Variants in NGF observed in about 807,000 individuals in gnomAD.
NGF encodes beta-nerve growth factor.
In NGF, 4 loss-of-function variants were observed where a neutral mutation model predicts 12.8. That is an observed-to-expected ratio of 0.31 (90% CI 0.15 to 0.72). NGF has a LOEUF of 0.72. Ranked by LOEUF, NGF falls within the 30% of genes least tolerant of loss-of-function variation. NGF has a pLI of 0.69. For synonymous variants in NGF, 140 were observed against 130.0 expected, an observed-to-expected ratio of 1.08 and a Z score of -0.52; for missense variants, 283 against 330.8, an observed-to-expected ratio of 0.86 and a Z score of 1.12.
intron 1 of NGF, among the ~76,000 whole-genome samples, chr1:115,313,235 T>C (rs1386446958): frequency 6.6e-6 from 1 of 152,252 alleles, no homozygotes; most frequent in East Asian, 1.9e-4. Flanking sequence ...TAGAGAGTAC[T>C]ACTTTGGTCT....
intron 1 of NGF, among the ~76,000 whole-genome samples, chr1:115,337,256 GT>G (rs1364127314): frequency 2.9e-4 from 8 of 27,204 alleles, no homozygotes; most frequent in African/African-American, 1.3e-3. Flanking sequence ...AATTTTTTTT[GT>G]TTTGTTTTTG....
intron 2 of NGF, among the ~76,000 whole-genome samples, chr1:115,287,380 G>A (rs574661816): frequency 6.8e-4 from 103 of 152,154 alleles, no homozygotes; most frequent in Non-Finnish European, 1.3e-3. Context: ...CCCTTGTTAT[G>A]AATTCACAAA....
intron 1 of NGF, among the ~76,000 whole-genome samples, chr1:115,304,329 ATTT>A (rs58345237): frequency 1.2e-5 from 1 of 80,826 alleles, no homozygotes; most frequent in Middle Eastern, 6.8e-3. Flanking sequence ...TGCTTGGCTA[ATTT>A]TTTTTTTTTT....
intron 1 of NGF, among the ~76,000 whole-genome samples, chr1:115,320,266 G>GT (rs1468550948): frequency 2.6e-5 from 4 of 152,044 alleles, no homozygotes; most frequent in East Asian, 1.9e-4. Context: ...TATACACTAT[G>GT]TTTTTTTCCC....
intron 2 of NGF, among the ~76,000 whole-genome samples, chr1:115,288,771 G>A (rs553147387): frequency 1.3e-5 from 2 of 152,256 alleles, no homozygotes; most frequent in South Asian, 2.1e-4. Flanking sequence ...CATGTAGTAG[G>A]TACTCAAAAA....
intron 2 of NGF, among the ~76,000 whole-genome samples, chr1:115,290,912 T>A (rs1277935821): frequency 6.6e-6 from 1 of 152,228 alleles, no homozygotes; most frequent in Non-Finnish European, 1.5e-5. Flanking sequence ...TCCATCTGCA[T>A]GATGATGTTA....
intron 1 of NGF, among the ~76,000 whole-genome samples, chr1:115,301,831 A>G (rs1352949693): frequency 6.6e-6 from 1 of 152,218 alleles, no homozygotes; most frequent in African/African-American, 2.4e-5. Context: ...GGGTGCTGCA[A>G]TGTTTAGCTA....
chr1:115,327,930 C>T (rs755088786), intron 1 of NGF, among the ~76,000 whole-genome samples: 4 of 152,272 alleles, frequency 2.6e-5, no homozygotes, highest in Admixed American at 2.0e-4. Flanking sequence ...GTGGAATAAG[C>T]GGTGGAGAGA....
rs372994894 is a variant in NGF, at chr1:115,286,589, G to A, written c.207C>T (p.Asn69=). 6.2e-7 allele frequency: 1 copy of A among 1,614,084 alleles called. No homozygotes were observed. The highest frequency in any genetic ancestry group is 1.3e-5 in the African/African-American group (1 of 74,948). The change falls in exon 3 of 3, where the codon AAC becomes AAT. Residue 69 remains asparagine, a synonymous_variant. Transcript: ENST00000369512. Reference sequence around the variant, plus strand: ...TAAACAGCCTGGGGTCCACAGTAATGTTGCGGGTCTGCCCCGCCACGCGTG... The same window carrying A: ...TAAACAGCCTGGGGTCCACAGTAATATTGCGGGTCTGCCCCGCCACGCGTG... ...IAARVAGQTR[N]ITVDPRLFKK...
intron 1 of NGF, among the ~76,000 whole-genome samples, chr1:115,295,777 T>C (rs1409004019): frequency 6.6e-6 from 1 of 152,148 alleles, no homozygotes; most frequent in African/African-American, 2.4e-5. Flanking sequence ...CCAGGCTGCA[T>C]TGCTACTAGA....
rs377253859 is a variant in NGF at position 115,286,593 on chromosome 1, C to T, written c.203G>A (p.Arg68His). ...AIAARVAGQT[R>H]NITVDPRLFK... ...CAGCCTGGGGTCCACAGTAATGTTG[C>T]GGGTCTGCCCCGCCACGCGTGCAGC... is the stretch of plus-strand genomic sequence containing the variant. The change falls in exon 3 of 3, where the codon CGC becomes CAC. Residue 68 changes from arginine (R) to histidine (H), a missense_variant. Transcript: ENST00000369512. The T allele has an allele frequency of 2.2e-5, 35 of 1,614,092 alleles. No homozygotes were observed. The highest frequency in any genetic ancestry group is 1.6e-4 in the African/African-American group (12 of 74,948).
chr1:115,326,591 C>A (rs1557946987), intron 1 of NGF, among the ~76,000 whole-genome samples: 1 of 152,200 alleles, frequency 6.6e-6, no homozygotes. Flanking sequence ...CTCTGCCTCA[C>A]AAGGTTCCGC....
chr1:115,307,802 G>A (rs971054193), intron 1 of NGF, among the ~76,000 whole-genome samples: 2 of 152,226 alleles, frequency 1.3e-5, no homozygotes, highest in Non-Finnish European at 2.9e-5. Context: ...TCATAGGTTA[G>A]GATAAGGCCA....
Position 115,286,065 on chromosome 1 carries a change from G to T in NGF, c.*5C>A, listed in dbSNP as rs1269254495. On this transcript the variant is annotated 3_prime_UTR_variant, in exon 3 of 3. Coordinates refer to ENST00000369512, the MANE Select transcript of NGF (RefSeq NM_002506.3). ...AGGGGCAGGGGGAGGGAGCGTGTCG[G>T]CAGGTCAGGCTCTTCTCACAGCCTT... is the stretch of plus-strand genomic sequence containing the variant. 6.2e-7 allele frequency: 1 copy of T among 1,612,654 alleles called. No homozygotes were observed.
intron 1 of NGF, among the ~76,000 whole-genome samples, chr1:115,329,039 A>G (rs1654843141): frequency 6.6e-6 from 1 of 152,038 alleles, no homozygotes. Context: ...GATAAGAAAG[A>G]GGGAAGAGGA....
intron 1 of NGF, among the ~76,000 whole-genome samples, chr1:115,320,163 C>T (rs1409086198): frequency 1.3e-5 from 2 of 152,074 alleles, no homozygotes; most frequent in East Asian, 3.9e-4. Flanking sequence ...GTTTGTGTCA[C>T]CCTCAGCCTG....
intron 1 of NGF, among the ~76,000 whole-genome samples, chr1:115,333,701 C>CT (rs752113140): frequency 1.1e-5 from 1 of 89,154 alleles, no homozygotes; most frequent in Non-Finnish European, 2.1e-5. Flanking sequence ...TTCTTTCTTT[C>CT]TTTCTTTCTT....
chr1:115,311,584 C>T (rs1654336350), intron 1 of NGF, among the ~76,000 whole-genome samples: 2 of 152,190 alleles, frequency 1.3e-5, no homozygotes, highest in Non-Finnish European at 2.9e-5. Flanking sequence ...ACAGGACTGC[C>T]TCCCACAGCA....
intron 2 of NGF, 142 bp from the exon 3 acceptor site, chr1:115,286,949 G>T: frequency 9.5e-7 from 1 of 1,050,174 alleles, no homozygotes; most frequent in Non-Finnish European, 1.4e-6. Flanking sequence ...GAGGGAAAGG[G>T]TGTGCTAGCA....
Sources: allele counts gnomAD v4.1 joint callset (sites outside exome capture counted in the v4.1 genomes callset), GRCh38; gene constraint gnomAD v4.1.1; transcripts MANE v1.5; gene names NCBI Gene and HGNC (gene_info 2026-07-23, HGNC 2026-07-21).